Variants in NKAIN2 observed in about 807,000 individuals in gnomAD.
The protein encoded by NKAIN2 is sodium/potassium transporting ATPase interacting 2, also known as sodium/potassium-transporting ATPase subunit beta-1-interacting protein 2.
Under a neutral mutation model 32.6 loss-of-function variants are expected in NKAIN2, and 14 were observed. The observed-to-expected ratio is 0.43, with a 90% CI of 0.28 to 0.67. NKAIN2 has a LOEUF of 0.67. NKAIN2 is among the 30% of genes least tolerant of loss of function. The pLI is 0.17. For missense variants in NKAIN2, 198 were observed against 258.3 expected (o/e 0.77, Z 1.60); for synonymous variants, 80 against 87.2 (o/e 0.92, Z 0.46).
At chr6:124,061,658 G>C (rs1200464370) in intron 1 of NKAIN2, among the ~76,000 whole-genome samples, 1 of 151,530 alleles carries the variant, frequency 6.6e-6, no homozygotes, top group Non-Finnish European at 1.5e-5. Context: ...TTAAACATTG[G>C]GGGATGCACT....
intron 1 of NKAIN2, among the ~76,000 whole-genome samples, chr6:123,987,479 G>A (rs1412426376): frequency 6.6e-6 from 1 of 152,130 alleles, no homozygotes; most frequent in African/African-American, 2.4e-5. Context: ...CAGTTTTGTA[G>A]GTAAGAAGCT....
intron 1 of NKAIN2, among the ~76,000 whole-genome samples, chr6:124,090,076 T>C (rs1392405044): frequency 2.0e-5 from 3 of 152,028 alleles, no homozygotes; most frequent in African/African-American, 7.2e-5. Flanking sequence ...TGTTTATGTG[T>C]TTCATATTCA....
At position 124,204,985 on chromosome 6, in the gene NKAIN2, C is replaced by CA. The variant is rs5879719; in HGVS notation, c.55-78010dup. ...CTTATCCTCTGCATCTAAAAAAAAG[C>CA]AAAAAAAAAAGCCTATATATCAAAT... On this transcript the variant is annotated intron_variant, in intron 1 of 6. Transcript: ENST00000368417. Among the ~76,000 whole-genome samples the CA allele has an allele frequency of 3.1e-3, 459 of 148,248 alleles. 1 individual carries two copies. Among genetic ancestry groups the CA allele is most frequent in the African/African-American group, 7.9e-3 (318 of 40,298 alleles).
chr6:124,560,212 C>A (rs1268026945), intron 3 of NKAIN2, among the ~76,000 whole-genome samples: 1 of 152,074 alleles, frequency 6.6e-6, no homozygotes, highest in Non-Finnish European at 1.5e-5. Flanking sequence ...GGGGCAGTTA[C>A]CTCCATGCTT....
At chr6:124,210,499 A>T (rs142061107) in intron 1 of NKAIN2, among the ~76,000 whole-genome samples, 186 of 151,868 alleles carry the variant, frequency 1.2e-3, no homozygotes, top group Admixed American at 3.8e-3. Context: ...ACTGCACTGA[A>T]TTGTAGATTG....
chr6:123,989,150 G>A lies in NKAIN2; in HGVS notation c.54+184896G>A, dbSNP rs1779302949. 1.3e-5 allele frequency among the ~76,000 whole-genome samples: 2 copies of A among 152,070 alleles called. 1 individual carries two copies. The highest frequency in any genetic ancestry group is 1.3e-4 in the Admixed American group (2 of 15,256). ...GATGTTCCATTGGCATATGAACTCA[G>A]AGCTTTGAGGATACAATAAAACAAT... On this transcript the variant is annotated intron_variant, in intron 1 of 6. Coordinates refer to ENST00000368417, the MANE Select transcript of NKAIN2 (RefSeq NM_001040214.3).
At chr6:124,703,361 C>T (rs137916392) in intron 4 of NKAIN2, among the ~76,000 whole-genome samples, 2 of 152,142 alleles carry the variant, frequency 1.3e-5, no homozygotes, top group East Asian at 1.9e-4. Flanking sequence ...ATCATGAGTA[C>T]TGATTACCGC....
At chr6:124,066,518 A>C (rs1359139783) in intron 1 of NKAIN2, among the ~76,000 whole-genome samples, 1 of 152,174 alleles carries the variant, frequency 6.6e-6, no homozygotes, top group African/African-American at 2.4e-5. Flanking sequence ...AGAGTTATGG[A>C]TCTTGATTCA....
intron 3 of NKAIN2, among the ~76,000 whole-genome samples, chr6:124,473,239 A>G (rs902344227): frequency 6.6e-6 from 1 of 152,200 alleles, no homozygotes; most frequent in African/African-American, 2.4e-5. Flanking sequence ...CTGTTCCAAC[A>G]ATGCTCATTG....
intron 1 of NKAIN2, among the ~76,000 whole-genome samples, chr6:123,987,339 G>A (rs1360615028): frequency 2.0e-5 from 3 of 152,096 alleles, no homozygotes; most frequent in African/African-American, 4.8e-5. Flanking sequence ...TGAACAGTTG[G>A]ACATTACGTT....
At chr6:124,527,634 A>G (rs1447736820) in intron 3 of NKAIN2, among the ~76,000 whole-genome samples, 2 of 152,186 alleles carry the variant, frequency 1.3e-5, no homozygotes, top group Admixed American at 6.5e-5. Flanking sequence ...CTCACATAAT[A>G]TAGAGTCATG....
At chr6:124,805,039 C>T (rs2114841518) in intron 5 of NKAIN2, among the ~76,000 whole-genome samples, 1 of 152,328 alleles carries the variant, frequency 6.6e-6, no homozygotes, top group South Asian at 2.1e-4. Flanking sequence ...GCCTGCCTGC[C>T]TCTGTAGGCT....
chr6:124,132,203 C>T (rs1260685562), intron 1 of NKAIN2, among the ~76,000 whole-genome samples: 2 of 152,164 alleles, frequency 1.3e-5, no homozygotes, highest in Non-Finnish European at 2.9e-5. Flanking sequence ...CCCTTTGGAA[C>T]ATAAACCCAT....
chr6:124,710,148 A>T (rs1775361939), intron 4 of NKAIN2, among the ~76,000 whole-genome samples: 1 of 151,328 alleles, frequency 6.6e-6, no homozygotes, highest in African/African-American at 2.4e-5. Flanking sequence ...GTTTTGAGTG[A>T]GATTCTTAAT....
At chr6:124,071,402 A>G (rs1034562170) in intron 1 of NKAIN2, among the ~76,000 whole-genome samples, 3 of 152,186 alleles carry the variant, frequency 2.0e-5, no homozygotes, top group African/African-American at 7.2e-5. Flanking sequence ...CATTCTAGAC[A>G]TCAGACTTTG....
chr6:124,029,082 G>A (rs1781289740), intron 1 of NKAIN2, among the ~76,000 whole-genome samples: 1 of 151,188 alleles, frequency 6.6e-6, no homozygotes, highest in Admixed American at 6.6e-5. Context: ...ATTGTGGGCT[G>A]TTCTTTTTTA....
At position 124,005,348 on chromosome 6, in the gene NKAIN2, A is replaced by G. The variant is rs111773721; in HGVS notation, c.54+201094A>G. ...AATATTGTTCCTAAAAATGTTTGCAATGACTCTTGCAAATATTTGCATATA... is the reference window on the plus strand; with the variant it reads ...AATATTGTTCCTAAAAATGTTTGCAGTGACTCTTGCAAATATTTGCATATA... On this transcript the variant is annotated intron_variant, in intron 1 of 6. Transcript: ENST00000368417. 5.6e-3 allele frequency among the ~76,000 whole-genome samples: 856 copies of G among 152,274 alleles called. 6 individuals are homozygous for G. The highest frequency in any genetic ancestry group is 0.02 in the African/African-American group (823 of 41,562).
intron 4 of NKAIN2, among the ~76,000 whole-genome samples, chr6:124,673,423 T>C (rs967300338): frequency 2.6e-5 from 4 of 152,122 alleles, no homozygotes; most frequent in Admixed American, 6.6e-5. Context: ...AATTGTTGAA[T>C]GATATGATCA....
At chr6:123,864,513 T>C (rs973019119) in intron 1 of NKAIN2, among the ~76,000 whole-genome samples, 1 of 152,178 alleles carries the variant, frequency 6.6e-6, no homozygotes, top group Non-Finnish European at 1.5e-5. Context: ...TAAACAAATA[T>C]ATAACATGGC....
Sources: gnomAD v4.1 joint callset for allele counts (sites outside exome capture counted in the v4.1 genomes callset) on GRCh38, gnomAD v4.1.1 for gene constraint, MANE v1.5 for transcripts, NCBI Gene and HGNC (gene_info 2026-07-23, HGNC 2026-07-21) for gene names.